DDX31: variants seen among roughly 807,000 people sequenced by gnomAD.
The protein encoded by DDX31 is ATP-dependent DNA helicase DDX31.
A neutral mutation model predicts 91.3 loss-of-function variants in DDX31; 70 were observed. The ratio of observed to expected loss-of-function variants is 0.77; its 90% CI spans 0.63 to 0.94. The LOEUF is 0.94. DDX31 is among the 40% of genes least tolerant of loss of function. The pLI is 0.00. For missense variants in DDX31, 902 were observed against 925.0 expected, an observed-to-expected ratio of 0.98 and a Z score of 0.32; for synonymous variants, 362 against 350.6, an observed-to-expected ratio of 1.03 and a Z score of -0.36.
At chr9:132,603,862 G>C (rs1315111943) in intron 19 of DDX31, among the ~76,000 whole-genome samples, 2 of 152,148 alleles carry the variant, frequency 1.3e-5, no homozygotes, top group African/African-American at 4.8e-5. Context: ...GGAAGCTCAG[G>C]GTCACTGTGA....
Position 132,638,340 on chromosome 9 carries a change from C to T in DDX31, c.1440+3664G>A, listed in dbSNP as rs374746580. On this transcript the variant is annotated intron_variant, in intron 14 of 19. Transcript: ENST00000372159. ...TGGTATTAAAAGCAAGGTTCCTTTC[C>T]TCTGGCTTAGGGTGAGTTCTTCACT... is the stretch of plus-strand genomic sequence containing the variant. 1.9e-4 allele frequency: 304 copies of T among 1,613,890 alleles called. 1 individual carries two copies. The highest frequency in any genetic ancestry group is 2.3e-4 in the Non-Finnish European group (268 of 1,179,952).
chr9:132,609,303 A>G (rs1305914710), intron 19 of DDX31, among the ~76,000 whole-genome samples: 12 of 152,112 alleles, frequency 7.9e-5, no homozygotes. Flanking sequence ...TCTTCCCTAA[A>G]TAAAGCCCTG....
In DDX31 at chr9:132,595,183, A is replaced by T; in HGVS notation, c.1995-71T>A. ...TTCTTTCCCATTTGGAAAGAGGCTGATAGCAGCTGGTTCTGAGACTGTGAA... is the reference window on the plus strand; with the variant it reads ...TTCTTTCCCATTTGGAAAGAGGCTGTTAGCAGCTGGTTCTGAGACTGTGAA... On this transcript the variant is annotated intron_variant, in intron 19 of 19. Coordinates refer to ENST00000372159, the MANE Select transcript of DDX31 (RefSeq NM_022779.9). This position sits in a 1 kb window ranked among gnomAD's most constrained non-coding sequence, Gnocchi z 4.6. The T allele has an allele frequency of 6.4e-7, 1 of 1,553,840 alleles. No homozygotes were observed. The highest frequency in any genetic ancestry group is 2.3e-5 in the East Asian group (1 of 44,304).
chr9:132,606,987 T>C (rs1359275142), intron 19 of DDX31, among the ~76,000 whole-genome samples: 4 of 152,184 alleles, frequency 2.6e-5, no homozygotes, highest in African/African-American at 9.7e-5. Context: ...AAATTTCCAA[T>C]TGGAAGCATT....
intron 13 of DDX31, among the ~76,000 whole-genome samples, chr9:132,642,702 T>A (rs1364556749): frequency 2.0e-5 from 3 of 151,824 alleles, no homozygotes; most frequent in Non-Finnish European, 4.4e-5. Context: ...AGCAACAGAA[T>A]ATGAACATCT....
chr9:132,669,507 A>C (rs1835574611), intron 1 of DDX31: 1 of 1,257,816 alleles, frequency 8.0e-7, no homozygotes, highest in African/African-American at 1.5e-5. Flanking sequence ...CACTCAGTCG[A>C]GGAAACTGGC....
chr9:132,666,646 C>T (rs577270707), intron 1 of DDX31, among the ~76,000 whole-genome samples: 14 of 152,014 alleles, frequency 9.2e-5, no homozygotes, highest in African/African-American at 3.1e-4. Flanking sequence ...CTCAGCCTCC[C>T]GAGTGGCTGG....
intron 14 of DDX31, among the ~76,000 whole-genome samples, chr9:132,640,679 A>T (rs930177770): frequency 1.3e-5 from 2 of 151,696 alleles, no homozygotes; most frequent in Non-Finnish European, 2.9e-5. Flanking sequence ...ATTCCTTAAT[A>T]TTTTTTGTAG....
At chr9:132,645,692 C>A (rs563550218) in intron 13 of DDX31, among the ~76,000 whole-genome samples, 80 of 152,274 alleles carry the variant, frequency 5.3e-4, no homozygotes, top group South Asian at 8.3e-4. Context: ...AATAGACTCC[C>A]CTTGCCCCCA....
intron 8 of DDX31, 94 bp downstream of exon 8, chr9:132,650,981 T>C: frequency 7.9e-7 from 1 of 1,270,504 alleles, no homozygotes; most frequent in Admixed American, 2.1e-5. Context: ...GAAATAATTC[T>C]TATCTCTTTG....
intron 3 of DDX31, 129 bp from the exon 4 acceptor site, chr9:132,661,380 G>C: frequency 1.2e-6 from 1 of 811,772 alleles, no homozygotes; most frequent in South Asian, 1.8e-5. Context: ...CTCCACCCAG[G>C]TGGTGCTCTC....
intron 9 of DDX31, among the ~76,000 whole-genome samples, chr9:132,649,101 T>C (rs572364481): frequency 1.4e-4 from 22 of 152,284 alleles, no homozygotes; most frequent in African/African-American, 5.1e-4. Context: ...TTCCAATTTT[T>C]AGCACATTTT....
rs556577414 is a variant in DDX31, at chr9:132,616,685, G to A, written c.1825+1645C>T. Among the ~76,000 whole-genome samples the A allele has an allele frequency of 2.0e-5, 3 of 152,320 alleles. No homozygotes were observed. In the South Asian group the frequency reaches 6.2e-4, roughly 32 times the overall value. On this transcript the variant is annotated intron_variant, in intron 18 of 19. Coordinates refer to ENST00000372159, the MANE Select transcript of DDX31 (RefSeq NM_022779.9). ...GTGACAAAGACCCTATTCCTCTTGA[G>A]AGACACAGAGCAATACTCCTCTAGA...
chr9:132,650,477 A>G (rs1323866913), intron 8 of DDX31, among the ~76,000 whole-genome samples, 179 bp from the exon 9 acceptor site: 1 of 152,246 alleles, frequency 6.6e-6, no homozygotes, highest in African/African-American at 2.4e-5. Flanking sequence ...CACTATCAGC[A>G]GTAACTTGAA....
intron 14 of DDX31, among the ~76,000 whole-genome samples, chr9:132,639,243 A>G (rs1833329905): frequency 6.6e-6 from 1 of 152,158 alleles, no homozygotes; most frequent in African/African-American, 2.4e-5. Context: ...AGCCAGGAAC[A>G]CCGAGAGGAA....
At chr9:132,638,137 C>T (rs979397003) in intron 14 of DDX31, 11 of 1,385,282 alleles carry the variant, frequency 7.9e-6, no homozygotes, top group Admixed American at 6.2e-5. Context: ...GCGCCCAGGG[C>T]GGGCTGCAGG....
At chr9:132,636,848 C>T (rs1278170246) in intron 14 of DDX31, among the ~76,000 whole-genome samples, 1 of 152,170 alleles carries the variant, frequency 6.6e-6, no homozygotes, top group East Asian at 1.9e-4. Flanking sequence ...GGACTGCTTG[C>T]TCCAGTCCCA....
chr9:132,662,815 CAT>C (rs1354502613), intron 1 of DDX31, 120 bp from the exon 2 acceptor site: 1 of 1,326,450 alleles, frequency 7.5e-7, no homozygotes, highest in African/African-American at 1.5e-5. Context: ...CATTATGCCC[CAT>C]ATGTCAAGCA....
chr9:132,659,992 T>C (rs1408356916), intron 4 of DDX31, among the ~76,000 whole-genome samples: 1 of 152,016 alleles, frequency 6.6e-6, no homozygotes, highest in Non-Finnish European at 1.5e-5. Context: ...AGCCTGAAAA[T>C]GGTGAGGCAA....
Sources: gnomAD v4.1 joint callset for allele counts (sites outside exome capture counted in the v4.1 genomes callset) on GRCh38, gnomAD v4.1.1 for gene constraint, Gnocchi (gnomAD v3.1) non-coding constraint, MANE v1.5 for transcripts, NCBI Gene and HGNC (gene_info 2026-07-23, HGNC 2026-07-21) for gene names.